Variants in CNIH3 observed in about 807,000 individuals in gnomAD.
CNIH3 encodes cornichon family AMPA receptor auxiliary protein 3.
CNIH3 carries 14 observed loss-of-function variants against 24.1 expected under a neutral mutation model. The ratio of observed to expected loss-of-function variants is 0.58; its 90% CI spans 0.38 to 0.91. The LOEUF (loss-of-function observed/expected upper bound fraction) is 0.91. Ranked by LOEUF, CNIH3 falls within the 40% of genes least tolerant of loss-of-function variation. CNIH3 has a pLI of 0.00. For missense variants in CNIH3, 178 were observed against 196.8 expected (o/e 0.90, Z 0.57); for synonymous variants, 68 against 73.8 (o/e 0.92, Z 0.40).
At chr1:224,589,363 T>C (rs1239237962), downstream of CNIH3, among the ~76,000 whole-genome samples, 1 of 152,196 alleles carries the variant, frequency 6.6e-6, no homozygotes, top group Non-Finnish European at 1.5e-5. Context: ...GTCTACATTC[T>C]GAATCAAAAT....
intron 1 of CNIH3, among the ~76,000 whole-genome samples, chr1:224,509,532 T>C (rs1678055251): frequency 1.3e-5 from 2 of 152,118 alleles, no homozygotes; most frequent in African/African-American, 4.8e-5. Flanking sequence ...CCCACCCTCC[T>C]TGCCACAGGT....
chr1:224,460,274 A>G (rs749934336), intron 1 of CNIH3, among the ~76,000 whole-genome samples: 4 of 152,140 alleles, frequency 2.6e-5, no homozygotes, highest in African/African-American at 9.7e-5. Context: ...TTATATTTAA[A>G]GTGGATAATT....
chr1:224,647,954 G>A (rs76256759), intron 1 of CNIH3, among the ~76,000 whole-genome samples: 2 of 152,198 alleles, frequency 1.3e-5, no homozygotes, highest in Non-Finnish European at 2.9e-5. Flanking sequence ...TACTGGTTAC[G>A]GGAACGGGCA....
rs142489739 is a variant in CNIH3 at position 224,566,744 on chromosome 1, A to G, written n.516+480A>G. On this transcript the variant is annotated intron_variant and non_coding_transcript_variant, in intron 4 of 5. Coordinates refer to the CNIH3 transcript ENST00000471578. The stretch of plus-strand genomic sequence containing the variant: ...TAGTATTCCATGGTGCATATGTGCC[A>G]CATTTTCTCTATCTAGTCTATTATT... 2.3e-3 allele frequency among the ~76,000 whole-genome samples: 345 copies of G among 152,302 alleles called. 2 individuals carry two copies. The highest frequency in any genetic ancestry group is 7.7e-3 in the African/African-American group (322 of 41,568).
At chr1:224,696,520 C>T (rs1331484004) in intron 3 of CNIH3, among the ~76,000 whole-genome samples, 1 of 152,146 alleles carries the variant, frequency 6.6e-6, no homozygotes, top group Non-Finnish European at 1.5e-5. Flanking sequence ...CTGATGTGCA[C>T]TCTGGAAAAC....
At chr1:224,503,924 G>A (rs1227022668) in intron 1 of CNIH3, among the ~76,000 whole-genome samples, 1 of 152,246 alleles carries the variant, frequency 6.6e-6, no homozygotes, top group Non-Finnish European at 1.5e-5. Context: ...GGACAGAGAC[G>A]CCCTCAGGCC....
upstream of CNIH3, among the ~76,000 whole-genome samples, chr1:224,513,491 T>G (rs1678253510): frequency 6.6e-6 from 1 of 151,820 alleles, no homozygotes; most frequent in Non-Finnish European, 1.5e-5. Context: ...GCTTGTTTCT[T>G]GAGGAAATGA....
At chr1:224,688,400 A>G (rs551063251) in intron 3 of CNIH3, among the ~76,000 whole-genome samples, 1 of 152,268 alleles carries the variant, frequency 6.6e-6, no homozygotes, top group East Asian at 1.9e-4. Flanking sequence ...CTAGAATGCC[A>G]GTTCTGGATG....
intron 1 of CNIH3, among the ~76,000 whole-genome samples, chr1:224,457,562 CA>C (rs1675730914): frequency 7.0e-6 from 1 of 143,602 alleles, no homozygotes; most frequent in African/African-American, 2.7e-5. Context: ...TCCCTCCCTG[CA>C]ACACTAAGTA....
downstream of CNIH3, among the ~76,000 whole-genome samples, chr1:224,591,926 G>A (rs1273410457): frequency 6.6e-6 from 1 of 152,218 alleles, no homozygotes; most frequent in Admixed American, 6.5e-5. Flanking sequence ...CTTGCACAAG[G>A]TCTGATACCA....
chr1:224,717,113 G>T (rs1377075383), intron 3 of CNIH3, among the ~76,000 whole-genome samples: 1 of 152,220 alleles, frequency 6.6e-6, no homozygotes, highest in South Asian at 2.1e-4. Context: ...TGAGGCATTT[G>T]GTGTGTGTGT....
chr1:224,509,962 C>G (rs774970659), intron 1 of CNIH3, among the ~76,000 whole-genome samples: 1 of 152,202 alleles, frequency 6.6e-6, no homozygotes, highest in Non-Finnish European at 1.5e-5. Context: ...TTCCAGCCCT[C>G]GATGCACGAA....
chr1:224,653,469 A>C (rs1684957886), intron 1 of CNIH3, among the ~76,000 whole-genome samples: 1 of 151,264 alleles, frequency 6.6e-6, no homozygotes, highest in South Asian at 2.1e-4. Flanking sequence ...ATTTCATCTA[A>C]ATTTTATGTT....
At chr1:224,439,125 T>C (rs2102941588) in intron 1 of CNIH3, among the ~76,000 whole-genome samples, 2 of 152,280 alleles carry the variant, frequency 1.3e-5, no homozygotes, top group East Asian at 3.9e-4. Context: ...AAGGGCATAG[T>C]CATCTGGCAG....
upstream of CNIH3, among the ~76,000 whole-genome samples, chr1:224,614,097 C>T (rs771232667): frequency 3.9e-5 from 6 of 152,106 alleles, no homozygotes; most frequent in Non-Finnish European, 8.8e-5. Context: ...CCAGGCTGGT[C>T]TCAAATACCT....
At chr1:224,657,605 C>T (rs554316512) in intron 1 of CNIH3, among the ~76,000 whole-genome samples, 1 of 152,308 alleles carries the variant, frequency 6.6e-6, no homozygotes, top group South Asian at 2.1e-4. Context: ...CTAGTTCAGT[C>T]CATGCAATTA....
intron 1 of CNIH3, among the ~76,000 whole-genome samples, chr1:224,497,192 G>T (rs1677473295): frequency 6.6e-6 from 1 of 152,190 alleles, no homozygotes; most frequent in Non-Finnish European, 1.5e-5. Context: ...AGAAAGTAGA[G>T]GAGTGGTTGT....
At chr1:224,719,820 A>G (rs6426152) in intron 3 of CNIH3, among the ~76,000 whole-genome samples, 107,579 of 152,208 alleles carry the variant, frequency 0.71, 38,985 homozygotes, top group East Asian at 0.96. Flanking sequence ...CTTGCTGGAA[A>G]CAAGTTACAA....
At position 224,469,727 on chromosome 1, in the gene CNIH3, A is replaced by G. The variant is rs147071900; in HGVS notation, n.203+34865A>G. Among the ~76,000 whole-genome samples, 19 of 152,258 alleles carry G rather than the reference A, an allele frequency of 1.2e-4. No individual in the cohort carries two copies. In the East Asian group the frequency reaches 3.5e-3, roughly 28 times the overall value. ...TTATTAATATTTTGTTGAGGACTCA[A>G]TTATCTCTTAAAGAGACATAAATAA... On this transcript the variant is annotated intron_variant and non_coding_transcript_variant, in intron 1 of 5. Transcript: ENST00000471578.
Sources: allele counts gnomAD v4.1 joint callset (sites outside exome capture counted in the v4.1 genomes callset), GRCh38; gene constraint gnomAD v4.1.1; transcripts MANE v1.5; gene names NCBI Gene and HGNC (gene_info 2026-07-23, HGNC 2026-07-21).